The following HCRTR2 variants were observed in gnomAD, a reference collection of about 807,000 sequenced individuals.
The protein encoded by HCRTR2 is hypocretin receptor 2.
HCRTR2 carries 22 observed loss-of-function variants against 49.0 expected under a neutral mutation model. That is an observed-to-expected ratio of 0.45 (90% CI 0.32 to 0.64). The LOEUF (loss-of-function observed/expected upper bound fraction) is 0.64. Among genes scored for constraint, HCRTR2 ranks in the 30% least tolerant of loss-of-function variants. The pLI, the probability that HCRTR2 is intolerant of heterozygous loss-of-function variation, is 0.04. For missense variants in HCRTR2, 491 were observed against 559.4 expected, an observed-to-expected ratio of 0.88 and a Z score of 1.23; for synonymous variants, 236 against 205.3, an observed-to-expected ratio of 1.15 and a Z score of -1.28.
intron 3 of HCRTR2, among the ~76,000 whole-genome samples, chr6:55,259,250 C>A (rs372848691): frequency 6.6e-6 from 1 of 150,506 alleles, no homozygotes; most frequent in East Asian, 1.9e-4. Context: ...ACCATTTTTA[C>A]AGTCAAAGTA....
rs1764404635 is a variant in HCRTR2, at chr6:55,134,334, C to T, written c.-378+27789C>T. Among the ~76,000 whole-genome samples, 5 of 151,538 alleles carry T rather than the reference C, an allele frequency of 3.3e-5. No individual in the cohort carries two copies. The South Asian group carries it at 1.0e-3, about 32-fold the overall frequency. ...TTATATTTGTCATTATTTATTTTTC[C>T]AGGTTTATTGAGATATAATTGGCAA... is the stretch of plus-strand genomic sequence containing the variant. On this transcript the variant is annotated intron_variant, in intron 1 of 7. Coordinates refer to the HCRTR2 transcript ENST00000615358.
chr6:55,174,447 T>G (rs1478457170), upstream of HCRTR2: 2 of 764,418 alleles, frequency 2.6e-6, no homozygotes, highest in Non-Finnish European at 4.7e-6. Flanking sequence ...AGGCATTGGC[T>G]CAGTAACTTT....
intron 4 of HCRTR2, among the ~76,000 whole-genome samples, chr6:55,267,643 C>T (rs139785901): frequency 1.3e-5 from 2 of 152,026 alleles, no homozygotes; most frequent in Non-Finnish European, 2.9e-5. Context: ...GTGTGAGGTA[C>T]TGAGGATGGA....
downstream of HCRTR2, among the ~76,000 whole-genome samples, chr6:55,284,217 G>T (rs1050924710): frequency 2.0e-5 from 3 of 152,094 alleles, no homozygotes; most frequent in African/African-American, 7.2e-5. Flanking sequence ...AGAGAGAAAA[G>T]GGAGAGAGAT....
chr6:55,215,387 G>A (rs2127293615), intron 1 of HCRTR2, among the ~76,000 whole-genome samples: 1 of 152,120 alleles, frequency 6.6e-6, no homozygotes, highest in African/African-American at 2.4e-5. Flanking sequence ...AAAAGCCAAG[G>A]GAATCCATCA....
chr6:55,189,935 T>C (rs1378183435), intron 1 of HCRTR2, among the ~76,000 whole-genome samples: 3 of 152,200 alleles, frequency 2.0e-5, no homozygotes, highest in Non-Finnish European at 4.4e-5. Flanking sequence ...GGAGTTTGAA[T>C]TGCTAGAGGA....
At chr6:55,151,644 G>A (rs750237292) in intron 1 of HCRTR2, among the ~76,000 whole-genome samples, 4 of 151,976 alleles carry the variant, frequency 2.6e-5, no homozygotes, top group Non-Finnish European at 5.9e-5. Context: ...TGTTAATGTT[G>A]ATATTTTGGT....
intron 1 of HCRTR2, among the ~76,000 whole-genome samples, chr6:55,111,029 C>T (rs1764041919): frequency 6.6e-6 from 1 of 152,078 alleles, no homozygotes; most frequent in Non-Finnish European, 1.5e-5. Context: ...AGTACTCGTT[C>T]AGACCAGAGT....
intron 1 of HCRTR2, among the ~76,000 whole-genome samples, chr6:55,139,056 G>T (rs1375611689): frequency 6.6e-6 from 1 of 152,134 alleles, no homozygotes; most frequent in Non-Finnish European, 1.5e-5. Flanking sequence ...TTTGTGTCTG[G>T]AAGGAGAAAG....
At chr6:55,187,638 T>C (rs1270799600) in intron 1 of HCRTR2, among the ~76,000 whole-genome samples, 1 of 151,214 alleles carries the variant, frequency 6.6e-6, no homozygotes, top group African/African-American at 2.4e-5. Flanking sequence ...ATACCTATTT[T>C]AGTTAATTCT....
At chr6:55,239,093 T>G (rs995070503) in intron 1 of HCRTR2, among the ~76,000 whole-genome samples, 3 of 152,198 alleles carry the variant, frequency 2.0e-5, no homozygotes, top group African/African-American at 7.2e-5. Flanking sequence ...AAGATGTGGG[T>G]GACCAAAAGG....
chr6:55,146,349 AC>A (rs900870667), intron 1 of HCRTR2, among the ~76,000 whole-genome samples: 7 of 152,206 alleles, frequency 4.6e-5, no homozygotes, highest in Non-Finnish European at 8.8e-5. Flanking sequence ...AACAAATGCC[AC>A]ATGGTTATAG....
intron 3 of HCRTR2, among the ~76,000 whole-genome samples, chr6:55,256,567 A>G (rs569311626): frequency 1.6e-4 from 24 of 152,222 alleles, no homozygotes; most frequent in African/African-American, 5.3e-4. Flanking sequence ...TTTATCTATT[A>G]CCCCAAATAT....
At chr6:55,147,197 T>G (rs1764590963) in intron 1 of HCRTR2, among the ~76,000 whole-genome samples, 1 of 152,134 alleles carries the variant, frequency 6.6e-6, no homozygotes, top group Non-Finnish European at 1.5e-5. Context: ...AGCTATTTTA[T>G]TAGTTATATT....
rs181095522 is a variant in HCRTR2, at chr6:55,132,622, G to A, written c.-378+26077G>A. On this transcript the variant is annotated intron_variant, in intron 1 of 7. Transcript: ENST00000615358. ...TATTCAAAGATGAGCTACCCCAGTA[G>A]GACATACGTTTCAGATTGAGGTCAG... Among the ~76,000 whole-genome samples the A allele has an allele frequency of 1.7e-3, 261 of 151,884 alleles. 2 individuals are homozygous for A. Among genetic ancestry groups the A allele is most frequent in the African/African-American group, 5.7e-3 (236 of 41,510 alleles).
rs531556996 is a variant in HCRTR2, at chr6:55,223,967, T to C, written c.224-24672T>C. 2.0e-5 allele frequency among the ~76,000 whole-genome samples: 3 copies of C among 152,274 alleles called. No individual in the cohort carries two copies. In the East Asian group the frequency reaches 5.8e-4, roughly 29 times the overall value. ...GCAATGAAATAGTTGGATAAATGTG[T>C]ATTTCTACATGGGTGAATTTCCCAA... On this transcript the variant is annotated intron_variant, in intron 1 of 6. Coordinates refer to ENST00000370862, the MANE Select transcript of HCRTR2 (RefSeq NM_001384272.1).
intron 1 of HCRTR2, among the ~76,000 whole-genome samples, chr6:55,115,570 C>T (rs1764105561): frequency 6.6e-6 from 1 of 150,972 alleles, no homozygotes; most frequent in African/African-American, 2.4e-5. Flanking sequence ...TAGCGTAGTG[C>T]CAGGAATATT....
chr6:55,272,350 G>T (rs2127327546), intron 4 of HCRTR2, among the ~76,000 whole-genome samples: 1 of 152,172 alleles, frequency 6.6e-6, no homozygotes, highest in Non-Finnish European at 1.5e-5. Flanking sequence ...GCACGGGCTG[G>T]CAGAATGGGA....
chr6:55,205,416 G>T lies in HCRTR2; in HGVS notation c.223+30606G>T, dbSNP rs142454547. Among the ~76,000 whole-genome samples, 1,502 of 152,184 alleles carry T rather than the reference G, an allele frequency of 9.9e-3. 14 individuals carry two copies. The highest frequency in any genetic ancestry group is 0.014 in the Non-Finnish European group (964 of 68,008). On this transcript the variant is annotated intron_variant, in intron 1 of 6. Coordinates refer to ENST00000370862, the MANE Select transcript of HCRTR2 (RefSeq NM_001384272.1). ...ATTGAAATGTGTCAAGGAGAGAAGA[G>T]AGTAATTAGCTCAAATGCTACTGAT...
Sources: gnomAD v4.1 joint callset for allele counts (sites outside exome capture counted in the v4.1 genomes callset) on GRCh38, gnomAD v4.1.1 for gene constraint, MANE v1.5 for transcripts, NCBI Gene and HGNC (gene_info 2026-07-23, HGNC 2026-07-21) for gene names.